Variants in BABAM2 observed in about 807,000 individuals in gnomAD.
BABAM2 encodes the protein BRISC and BRCA1-A complex member 2.
Under a neutral mutation model 54.7 loss-of-function variants are expected in BABAM2, and 31 were observed. The observed-to-expected ratio is 0.57, with a 90% CI of 0.43 to 0.77. The LOEUF is 0.77. Among genes scored for constraint, BABAM2 ranks in the 30% least tolerant of loss-of-function variants. The pLI, the probability that BABAM2 is intolerant of heterozygous loss-of-function variation, is 0.00. For missense variants in BABAM2, 364 were observed against 455.8 expected (o/e 0.80, Z 1.83); for synonymous variants, 167 against 162.9 (o/e 1.03, Z -0.19).
chr2:28,319,514 C>G (rs998314298), intron 11 of BABAM2, among the ~76,000 whole-genome samples: 2 of 152,222 alleles, frequency 1.3e-5, no homozygotes, highest in African/African-American at 2.4e-5. Flanking sequence ...GTGGGGTTCC[C>G]TCAGGGTTCT....
At chr2:28,225,094 T>G (rs1479212726) in intron 7 of BABAM2, among the ~76,000 whole-genome samples, 1 of 152,084 alleles carries the variant, frequency 6.6e-6, no homozygotes, top group Non-Finnish European at 1.5e-5. Flanking sequence ...AAGAAGAAAA[T>G]TAACTCAGGG....
intron 5 of BABAM2, among the ~76,000 whole-genome samples, chr2:28,043,460 C>T (rs1265853916): frequency 6.6e-6 from 1 of 152,172 alleles, no homozygotes; most frequent in African/African-American, 2.4e-5. Context: ...AGTGGTCCTT[C>T]TTCTGTGGCA....
chr2:28,177,513 CT>C (rs1172873017), intron 7 of BABAM2, among the ~76,000 whole-genome samples: 2 of 150,884 alleles, frequency 1.3e-5, no homozygotes, highest in African/African-American at 5.0e-5. Flanking sequence ...AGGGAAAGGA[CT>C]CAAGTGTTAC....
intron 3 of BABAM2, among the ~76,000 whole-genome samples, chr2:27,972,302 A>G (rs890374439): frequency 6.9e-4 from 105 of 152,198 alleles, no homozygotes; most frequent in African/African-American, 2.3e-3. Flanking sequence ...GGGTAGAACT[A>G]GTGTTAGTGG....
At chr2:28,059,424 A>T (rs1045406968) in intron 6 of BABAM2, among the ~76,000 whole-genome samples, 7 of 152,152 alleles carry the variant, frequency 4.6e-5, no homozygotes, top group African/African-American at 1.7e-4. Flanking sequence ...TTGTTCCAGG[A>T]TTGCTCATAA....
At chr2:28,336,914 T>C (rs1033721184) in intron 11 of BABAM2, among the ~76,000 whole-genome samples, 1 of 152,224 alleles carries the variant, frequency 6.6e-6, no homozygotes, top group Admixed American at 6.5e-5. Context: ...TGAATCTGCC[T>C]CCTACCCTTG....
At chr2:27,897,924 C>T (rs1278403691) in intron 2 of BABAM2, among the ~76,000 whole-genome samples, 2 of 152,172 alleles carry the variant, frequency 1.3e-5, no homozygotes, top group East Asian at 1.9e-4. Context: ...CAGTTTCCCT[C>T]ACTGTAATTT....
intron 10 of BABAM2, among the ~76,000 whole-genome samples, chr2:28,255,266 A>T (rs1242506839): frequency 4.6e-5 from 7 of 151,964 alleles, no homozygotes; most frequent in Admixed American, 4.6e-4. Flanking sequence ...TTTCATTTAG[A>T]ATCTGAGCCA....
chr2:28,060,943 A>G (rs1360574494), intron 6 of BABAM2, among the ~76,000 whole-genome samples: 1 of 152,226 alleles, frequency 6.6e-6, no homozygotes, highest in Non-Finnish European at 1.5e-5. Context: ...GCAAGTTGAA[A>G]TCTCAGCAGA....
chr2:28,139,473 G>T (rs1454109211), intron 7 of BABAM2, among the ~76,000 whole-genome samples: 1 of 152,054 alleles, frequency 6.6e-6, no homozygotes, highest in Admixed American at 6.5e-5. Context: ...GGAGGCTGAG[G>T]CAGGAGAATT....
intron 6 of BABAM2, among the ~76,000 whole-genome samples, chr2:28,050,678 TAA>T (rs1677930238): frequency 6.6e-6 from 1 of 152,242 alleles, no homozygotes; most frequent in African/African-American, 2.4e-5. Flanking sequence ...GATAAATAGT[TAA>T]GTGTTAACTT....
chr2:27,960,136 T>C (rs79765756), intron 3 of BABAM2, among the ~76,000 whole-genome samples: 4,374 of 152,282 alleles, frequency 0.029, 224 homozygotes, highest in African/African-American at 0.1. Context: ...GGATCCTTCA[T>C]ACCATTTTTT....
chr2:28,073,147 A>G (rs1009441056), intron 6 of BABAM2, among the ~76,000 whole-genome samples: 2 of 152,074 alleles, frequency 1.3e-5, no homozygotes, highest in African/African-American at 2.4e-5. Context: ...GTATCGTTCT[A>G]GATGATTTCC....
intron 7 of BABAM2, among the ~76,000 whole-genome samples, chr2:28,168,220 G>C (rs1673923453): frequency 6.6e-6 from 1 of 152,106 alleles, no homozygotes; most frequent in African/African-American, 2.4e-5. Context: ...TATTATAAAG[G>C]GCCAGAACTG....
chr2:27,945,784 A>G (rs1316743689), intron 3 of BABAM2, among the ~76,000 whole-genome samples: 1 of 151,058 alleles, frequency 6.6e-6, no homozygotes, highest in East Asian at 1.9e-4. Flanking sequence ...TCTGATGCCA[A>G]TTTATAGTAG....
In BABAM2 at chr2:28,237,105, C is replaced by T. The variant is rs1681984488; in HGVS notation, c.681-97C>T. 3 of 946,008 alleles carry T rather than the reference C, an allele frequency of 3.2e-6. No individual in the cohort carries two copies. In the East Asian group the frequency reaches 7.3e-5, roughly 23 times the overall value. The allele number at this position is 946,008 out of a possible 1,614,324, so 58.6% of individuals were successfully genotyped here. ...ATCATTAACCTAGGCAGTTGGTGGC[C>T]AGACTTTGATGAGAGAAGCCAAGTC... On this transcript the variant is annotated intron_variant, in intron 7 of 11. Transcript: ENST00000379624.
In BABAM2 at chr2:28,338,654, GC is replaced by G; in HGVS notation, c.*145del. Reference sequence around the variant, plus strand: ...CAGCAGCTTTTGCACGCCCCAGGCAGCCCCGACTGCTGAAATCCAACTTGAG... The same window carrying G: ...CAGCAGCTTTTGCACGCCCCAGGCAGCCCGACTGCTGAAATCCAACTTGAG... On this transcript the variant is annotated 3_prime_UTR_variant, in exon 12 of 12. Transcript: ENST00000379624. The G allele has an allele frequency of 1.1e-6, 1 of 938,916 alleles. No individual in the cohort carries two copies. Among genetic ancestry groups the G allele is most frequent in the Non-Finnish European group, 1.6e-6 (1 of 609,054 alleles). 58.2% of individuals were successfully genotyped at this position (938,916 alleles called of 1,614,324 possible).
intron 7 of BABAM2, among the ~76,000 whole-genome samples, chr2:28,132,842 A>G (rs1363493515): frequency 6.6e-6 from 1 of 152,190 alleles, no homozygotes; most frequent in Admixed American, 6.5e-5. Context: ...CTGAATTGCA[A>G]GCTACTTATT....
intron 3 of BABAM2, among the ~76,000 whole-genome samples, chr2:27,942,071 T>G (rs1361528263): frequency 6.6e-6 from 1 of 152,182 alleles, no homozygotes; most frequent in Admixed American, 6.5e-5. Flanking sequence ...AACACAGTGC[T>G]TCCCCATCTC....
Sources: allele counts gnomAD v4.1 joint callset (sites outside exome capture counted in the v4.1 genomes callset), GRCh38; gene constraint gnomAD v4.1.1; transcripts MANE v1.5; gene names NCBI Gene and HGNC (gene_info 2026-07-23, HGNC 2026-07-21).